The following IQANK1 variants were observed in gnomAD, a reference collection of about 807,000 sequenced individuals.
IQANK1 encodes the protein IQ motif and ankyrin repeat containing 1.
A neutral mutation model predicts 22.6 loss-of-function variants in IQANK1; 30 were observed. The observed-to-expected ratio is 1.33, with a 90% CI of 0.99 to 1.80. IQANK1 has a LOEUF of 1.80. Among genes scored for constraint, IQANK1 ranks in the 40% most tolerant of loss-of-function variants. The pLI is 0.00. For synonymous variants in IQANK1, 122 were observed against 99.6 expected (o/e 1.23, Z -1.34); for missense variants, 275 against 235.2 (o/e 1.17, Z -1.11).
At position 143,739,923 on chromosome 8, in the gene IQANK1, GGCTGAGAGCCCACAGGCCCCCACA is replaced by G; in HGVS notation, c.152_175del (p.Ala51_Thr58del). 1.4e-6 allele frequency: 1 copy of G among 699,616 alleles called. No individual in the cohort carries two copies. The highest frequency in any genetic ancestry group is 2.6e-6 in the Non-Finnish European group (1 of 383,588). The allele number at this position is 699,616 out of a possible 1,614,324, so 43.3% of individuals were successfully genotyped here. On this transcript the variant is annotated inframe_deletion and splice_region_variant, in exon 3 of 14. Coordinates refer to ENST00000527139, the MANE Select transcript of IQANK1 (RefSeq NM_001381874.1). ...GCTGGCAGGCGAGGGAGCCCGCGTC[GGCTGAGAGCCCACAGGCCCCCACA>G]GGTGAGAGCCCGCACGTCCCGCGCC...
At chr8:143,739,086 G>T (rs1197200161) in intron 2 of IQANK1, among the ~76,000 whole-genome samples, 5 of 152,202 alleles carry the variant, frequency 3.3e-5, no homozygotes, top group African/African-American at 1.2e-4. Context: ...TGGGGCGGGG[G>T]CTCTTGGTGC....
At chr8:143,770,524 G>A (rs936308266) in intron 3 of IQANK1, among the ~76,000 whole-genome samples, 3 of 152,150 alleles carry the variant, frequency 2.0e-5, no homozygotes, top group African/African-American at 7.2e-5. Flanking sequence ...GGTCTTCCGC[G>A]TCTCCCAGTC....
At chr8:143,742,467 A>G (rs984477619) in intron 3 of IQANK1, 2 of 455,950 alleles carry the variant, frequency 4.4e-6, no homozygotes, top group African/African-American at 2.0e-5. Flanking sequence ...AATGCGATGT[A>G]GACACTTGGG....
intron 7 of IQANK1, among the ~76,000 whole-genome samples, chr8:143,776,189 C>T (rs1416789641): frequency 6.6e-6 from 1 of 151,546 alleles, no homozygotes; most frequent in Non-Finnish European, 1.5e-5. Flanking sequence ...GGCGTGGTGG[C>T]GGGCGCCTGT....
intron 7 of IQANK1, among the ~76,000 whole-genome samples, chr8:143,775,820 AC>A (rs1353056488): frequency 7.0e-6 from 1 of 142,728 alleles, no homozygotes; most frequent in Non-Finnish European, 1.5e-5. Context: ...ACACACACAC[AC>A]ACCATTCCTA....
chr8:143,767,273 C>G (rs1819497435), intron 3 of IQANK1, among the ~76,000 whole-genome samples: 2 of 152,292 alleles, frequency 1.3e-5, no homozygotes, highest in African/African-American at 4.8e-5. Flanking sequence ...AGTGTCCACT[C>G]AATCTATGAA....
chr8:143,763,207 G>T (rs1222175964), intron 3 of IQANK1, among the ~76,000 whole-genome samples: 1 of 151,932 alleles, frequency 6.6e-6, no homozygotes, highest in East Asian at 1.9e-4. Flanking sequence ...TTAGAGACGG[G>T]GTTTCACCAT....
chr8:143,756,024 C>T (rs1819286395), intron 3 of IQANK1, among the ~76,000 whole-genome samples: 1 of 152,182 alleles, frequency 6.6e-6, no homozygotes, highest in African/African-American at 2.4e-5. Flanking sequence ...TGGTTTCAAC[C>T]TCCTGATGAT....
At chr8:143,770,703 C>T (rs375966725) in intron 3 of IQANK1, among the ~76,000 whole-genome samples, 96 of 152,362 alleles carry the variant, frequency 6.3e-4, no homozygotes, top group African/African-American at 2.1e-3. Flanking sequence ...CCGACAGCCT[C>T]GCCTGGCCAC....
intron 7 of IQANK1, among the ~76,000 whole-genome samples, chr8:143,785,145 T>C (rs1003970393): frequency 3.3e-5 from 5 of 152,212 alleles, no homozygotes; most frequent in African/African-American, 1.2e-4. Context: ...TGAAAATCTG[T>C]AGCTAACTCT....
chr8:143,769,902 A>C (rs1395661031), intron 3 of IQANK1, among the ~76,000 whole-genome samples: 1 of 152,210 alleles, frequency 6.6e-6, no homozygotes, highest in Non-Finnish European at 1.5e-5. Flanking sequence ...TTTTGTGGAC[A>C]CTGCTTCATT....
rs1387071458 is a variant in IQANK1 at position 143,772,262 on chromosome 8, G to C, written c.663+19G>C. The C allele has an allele frequency of 1.5e-5, 6 of 397,422 alleles. No homozygotes were observed. The highest frequency in any genetic ancestry group is 2.2e-5 in the Non-Finnish European group (5 of 225,364). 24.6% of individuals were successfully genotyped at this position (397,422 alleles called of 1,614,324 possible). A position where few individuals can be genotyped will look rare whatever the true frequency, so the allele number is the denominator to read the frequency against. On this transcript the variant is annotated intron_variant, in intron 6 of 13. Coordinates refer to ENST00000527139, the MANE Select transcript of IQANK1 (RefSeq NM_001381874.1). ...CAGCAAGGTGGGCGCCGTGGGCCGC[G>C]GGCCGCCGCGCTGAGGGGCGCGGTC...
intron 3 of IQANK1, among the ~76,000 whole-genome samples, chr8:143,770,861 T>A (rs943732488): frequency 2.6e-5 from 4 of 152,214 alleles, no homozygotes; most frequent in Admixed American, 6.5e-5. Context: ...GGAGGCTGAG[T>A]GGTGCCCGGA....
chr8:143,790,088 G>A, intron 12 of IQANK1, 24 bp downstream of exon 12: 1 of 1,232,122 alleles, frequency 8.1e-7, no homozygotes, highest in Non-Finnish European at 1.0e-6. Context: ...GCCAGACGTG[G>A]GCGATTTGGG....
At chr8:143,753,612 C>T (rs150764279) in intron 3 of IQANK1, among the ~76,000 whole-genome samples, 7 of 152,154 alleles carry the variant, frequency 4.6e-5, no homozygotes, top group African/African-American at 1.7e-4. Context: ...CTCCACCATA[C>T]CTGGCTAATT....
chr8:143,747,430 G>A (rs762535814), intron 3 of IQANK1, among the ~76,000 whole-genome samples: 8 of 151,924 alleles, frequency 5.3e-5, no homozygotes, highest in Non-Finnish European at 1.0e-4. Flanking sequence ...TCTTCTTTGT[G>A]TATTTCCTTA....
intron 7 of IQANK1, among the ~76,000 whole-genome samples, chr8:143,776,015 G>A (rs868941571): frequency 1.2e-4 from 17 of 145,018 alleles, no homozygotes; most frequent in Non-Finnish European, 7.4e-5. Context: ...GGCCGGGCGC[G>A]GTGGCTCACG....
intron 3 of IQANK1, chr8:143,742,249 C>T: frequency 2.5e-6 from 1 of 400,188 alleles, no homozygotes; most frequent in South Asian, 1.8e-5. Flanking sequence ...GTCAGTGATA[C>T]ACAGCGCTCA....
chr8:143,777,611 A>C (rs1170601423), intron 7 of IQANK1, among the ~76,000 whole-genome samples: 3 of 151,948 alleles, frequency 2.0e-5, no homozygotes, highest in Non-Finnish European at 1.5e-5. Context: ...TATTGTCTTA[A>C]GGTTCTTATA....
Sources: allele counts gnomAD v4.1 joint callset (sites outside exome capture counted in the v4.1 genomes callset), GRCh38; gene constraint gnomAD v4.1.1; transcripts MANE v1.5; gene names NCBI Gene and HGNC (gene_info 2026-07-23, HGNC 2026-07-21).